The following GPHN variants were observed in gnomAD, a reference collection of about 807,000 sequenced individuals.
GPHN encodes the protein gephyrin.
Under a neutral mutation model 95.5 loss-of-function variants are expected in GPHN, and 17 were observed. The ratio of observed to expected loss-of-function variants is 0.18; its 90% CI spans 0.12 to 0.27. The LOEUF (loss-of-function observed/expected upper bound fraction) is 0.27, where lower values mean the gene tolerates loss of function less well. Among genes scored for constraint, GPHN ranks in the 10% least tolerant of loss-of-function variants. The pLI, the probability that GPHN is intolerant of heterozygous loss-of-function variation, is 1.00. For missense variants in GPHN, 660 were observed against 978.1 expected, an observed-to-expected ratio of 0.67 and a Z score of 4.34; for synonymous variants, 320 against 322.5, an observed-to-expected ratio of 0.99 and a Z score of 0.08.
At chr14:66,662,573 A>G (rs190807510) in intron 1 of GPHN, among the ~76,000 whole-genome samples, 7 of 152,372 alleles carry the variant, frequency 4.6e-5, no homozygotes, top group Admixed American at 3.9e-4. Flanking sequence ...TCTTCTGTTC[A>G]GATGACCACA....
chr14:66,794,491 A>G (rs1470526560), intron 3 of GPHN, among the ~76,000 whole-genome samples: 2 of 152,208 alleles, frequency 1.3e-5, no homozygotes, highest in African/African-American at 4.8e-5. Flanking sequence ...TAGCAATATG[A>G]GAATGGACAA....
intron 2 of GPHN, among the ~76,000 whole-genome samples, chr14:66,756,769 A>G (rs12588529): frequency 0.33 from 49,669 of 152,080 alleles, 11,886 homozygotes; most frequent in African/African-American, 0.65. Context: ...AAATGCTTTC[A>G]GTTATTTTAC....
At chr14:67,600,214 C>G in the GPHN span, 1 of 1,559,934 alleles carries the variant, frequency 6.4e-7, no homozygotes, top group Non-Finnish European at 8.7e-7. Flanking sequence ...GACGCCCCCA[C>G]TCGGCCGCCC....
At chr14:67,089,740 C>G (rs2077071562) in intron 12 of GPHN, among the ~76,000 whole-genome samples, 1 of 152,160 alleles carries the variant, frequency 6.6e-6, no homozygotes, top group Admixed American at 6.5e-5. Flanking sequence ...AGGGAAACCT[C>G]TAATTCTCTA....
the GPHN span, chr14:67,570,355 A>C: frequency 1.0e-6 from 1 of 956,568 alleles, no homozygotes; most frequent in Non-Finnish European, 1.3e-6. Flanking sequence ...TCCAACTTAT[A>C]TTCCCGTAAC....
At chr14:67,285,126 A>T in the GPHN span, among the ~76,000 whole-genome samples, 1 of 152,168 alleles carries the variant, frequency 6.6e-6, no homozygotes, top group Non-Finnish European at 1.5e-5. Context: ...TCTGAGTATC[A>T]TATTTGACCC....
intron 1 of GPHN, among the ~76,000 whole-genome samples, chr14:66,564,156 C>T (rs555078838): frequency 6.6e-6 from 1 of 152,158 alleles, no homozygotes; most frequent in South Asian, 2.1e-4. Flanking sequence ...AAAAAAATAA[C>T]TGTCCTTATC....
At chr14:67,646,762 G>C in the GPHN span, 1 of 1,578,442 alleles carries the variant, frequency 6.3e-7, no homozygotes, top group South Asian at 1.1e-5. Context: ...TTTGGCTGAA[G>C]TTTAGGGCCT....
At chr14:66,824,447 C>T (rs2153492933) in intron 3 of GPHN, 27 bp from the exon 4 acceptor site, 1 of 1,251,514 alleles carries the variant, frequency 8.0e-7, no homozygotes, top group Middle Eastern at 1.9e-4. Flanking sequence ...TTTTTCTGCA[C>T]ATGACTATAC....
chr14:66,515,289 G>C (rs992432365), intron 1 of GPHN, among the ~76,000 whole-genome samples: 1 of 152,082 alleles, frequency 6.6e-6, no homozygotes, highest in Non-Finnish European at 1.5e-5. Context: ...TAAAAAAATT[G>C]GGTGGTGTAA....
At chr14:67,249,173 G>A in the GPHN span, among the ~76,000 whole-genome samples, 2 of 152,052 alleles carry the variant, frequency 1.3e-5, no homozygotes, top group African/African-American at 4.8e-5. Context: ...TATTGGCCAG[G>A]CTGGTCTTGA....
intron 9 of GPHN, among the ~76,000 whole-genome samples, chr14:67,005,790 T>C (rs2072565449): frequency 6.6e-6 from 1 of 151,908 alleles, no homozygotes; most frequent in South Asian, 2.1e-4. Flanking sequence ...CTTTTATTAG[T>C]AGAGAAAGCA....
At chr14:66,819,137 G>C (rs1013811058) in intron 3 of GPHN, among the ~76,000 whole-genome samples, 4 of 152,090 alleles carry the variant, frequency 2.6e-5, no homozygotes, top group African/African-American at 4.8e-5. Flanking sequence ...ATTGCTTTTA[G>C]TTTCTTTGTC....
intron 1 of GPHN, among the ~76,000 whole-genome samples, chr14:66,668,781 G>A (rs1036588479): frequency 5.3e-5 from 8 of 151,862 alleles, no homozygotes; most frequent in African/African-American, 9.7e-5. Context: ...ACTTGTACCC[G>A]TGAACTTAAA....
At chr14:66,675,655 G>T (rs1366766282) in intron 1 of GPHN, among the ~76,000 whole-genome samples, 1 of 152,040 alleles carries the variant, frequency 6.6e-6, no homozygotes, top group Non-Finnish European at 1.5e-5. Context: ...TTTATTGCCT[G>T]TGCCTTTGAA....
At chr14:66,578,793 C>T (rs771868052) in intron 1 of GPHN, among the ~76,000 whole-genome samples, 130 of 150,030 alleles carry the variant, frequency 8.7e-4, no homozygotes, top group Non-Finnish European at 1.5e-3. Flanking sequence ...TGAGGAAGTT[C>T]ACTAGACTTG....
At chr14:67,330,836 G>T in the GPHN span, among the ~76,000 whole-genome samples, 1 of 152,172 alleles carries the variant, frequency 6.6e-6, no homozygotes. Context: ...ATGTGAAAAA[G>T]ATTTTAACTG....
the GPHN span, chr14:67,392,429 T>C: frequency 3.1e-6 from 5 of 1,606,666 alleles, no homozygotes; most frequent in East Asian, 1.1e-4. Flanking sequence ...GCTCTCAGCC[T>C]AGGGGGAAGG....
intron 10 of GPHN, among the ~76,000 whole-genome samples, chr14:67,035,547 T>C (rs142439916): frequency 6.6e-6 from 1 of 151,922 alleles, no homozygotes; most frequent in Admixed American, 6.6e-5. Flanking sequence ...AAGGAGACAT[T>C]GCAACTGATG....
Sources: allele counts gnomAD v4.1 joint callset (sites outside exome capture counted in the v4.1 genomes callset), GRCh38; gene constraint gnomAD v4.1.1; transcripts MANE v1.5; gene names NCBI Gene and HGNC (gene_info 2026-07-23, HGNC 2026-07-21).